COBL: variants seen among roughly 807,000 people sequenced by gnomAD.
COBL encodes protein cordon-bleu.
In COBL, 51 loss-of-function variants were observed where a neutral mutation model predicts 98.8. That is an observed-to-expected ratio of 0.52 (90% CI 0.41 to 0.65). The LOEUF is 0.65. COBL is among the 30% of genes least tolerant of loss of function. The pLI is 0.00. For synonymous variants in COBL, 634 were observed against 651.7 expected (o/e 0.97, Z 0.41); for missense variants, 1,617 against 1,617.5 (o/e 1.00, Z 0.01).
intron 2 of COBL, among the ~76,000 whole-genome samples, chr7:51,204,174 C>A (rs914467155): frequency 3.3e-5 from 5 of 152,148 alleles, no homozygotes; most frequent in African/African-American, 1.2e-4. Flanking sequence ...AACTCAATAT[C>A]CATGCATGCT....
chr7:51,309,008 GAAA>G (rs1268710579), intron 1 of COBL, among the ~76,000 whole-genome samples: 1 of 152,132 alleles, frequency 6.6e-6, no homozygotes, highest in Non-Finnish European at 1.5e-5. Context: ...ATGTTTTTCA[GAAA>G]GGCCAGAAAC....
intron 2 of COBL, among the ~76,000 whole-genome samples, chr7:51,210,594 T>C (rs576418480): frequency 2.0e-5 from 3 of 152,266 alleles, no homozygotes; most frequent in East Asian, 3.9e-4. Flanking sequence ...CTTGGTGGCA[T>C]TAAAGAACCT....
In COBL at chr7:51,087,778, CTT is replaced by C. The variant is rs34922133; in HGVS notation, c.958-2476_958-2475del. ...TATGAGCCACTGTGCCCGGCCCCGC[CTT>C]TTTTTTTTTTTTTTTTTTAATTCTC... On this transcript the variant is annotated intron_variant, in intron 6 of 12. Transcript: ENST00000265136. Among the ~76,000 whole-genome samples, 400 of 117,260 alleles carry C rather than the reference CTT, an allele frequency of 3.4e-3. 3 individuals carry two copies. The highest frequency in any genetic ancestry group is 0.012 in the African/African-American group (369 of 29,784). 76.9% of individuals were successfully genotyped at this position (117,260 alleles called of 152,430 possible).
chr7:51,084,699 A>G (rs1212879250), intron 7 of COBL, among the ~76,000 whole-genome samples: 2 of 152,106 alleles, frequency 1.3e-5, no homozygotes, highest in Non-Finnish European at 2.9e-5. Flanking sequence ...GTACCAGGTA[A>G]TATAAGTGGA....
intron 1 of COBL, among the ~76,000 whole-genome samples, chr7:51,229,342 G>A (rs1794510789): frequency 6.6e-6 from 1 of 152,260 alleles, no homozygotes; most frequent in South Asian, 2.1e-4. Flanking sequence ...GACAGTGAGT[G>A]AATTGTCTTG....
chr7:51,187,333 C>T (rs200228523), intron 4 of COBL, among the ~76,000 whole-genome samples: 9,501 of 110,112 alleles, frequency 0.086, 384 homozygotes, highest in African/African-American at 0.22. Context: ...TATATATATA[C>T]ACACACACAC....
intron 1 of COBL, among the ~76,000 whole-genome samples, chr7:51,231,248 C>A (rs1167345936): frequency 6.6e-6 from 1 of 152,192 alleles, no homozygotes; most frequent in Non-Finnish European, 1.5e-5. Flanking sequence ...TCTGTTCTTA[C>A]CTATTTGCTC....
intron 1 of COBL, among the ~76,000 whole-genome samples, chr7:51,243,319 G>A (rs549884522): frequency 2.0e-5 from 3 of 152,312 alleles, no homozygotes; most frequent in South Asian, 2.1e-4. Context: ...CCTTATGTGC[G>A]AGTCACCTCA....
chr7:51,230,142 G>A (rs1014020378), intron 1 of COBL, among the ~76,000 whole-genome samples: 5 of 152,104 alleles, frequency 3.3e-5, no homozygotes, highest in African/African-American at 1.2e-4. Context: ...GCCCCCAGCT[G>A]CCCCCATCAG....
intron 8 of COBL, among the ~76,000 whole-genome samples, chr7:51,042,813 T>C (rs1409813360): frequency 6.6e-6 from 1 of 152,230 alleles, no homozygotes. Context: ...ATCTGACGCC[T>C]ACATGCTGGC....
chr7:51,017,424 G>T lies in COBL; in HGVS notation c.*127C>A. 2.6e-6 allele frequency: 2 copies of T among 775,990 alleles called. No individual in the cohort carries two copies. Among genetic ancestry groups the T allele is most frequent in the Non-Finnish European group, 2.1e-6 (1 of 484,556 alleles). 48.1% of individuals were successfully genotyped at this position (775,990 alleles called of 1,614,324 possible). ...TACAGGAACACACCGAAAATCAACTGTGCGCATTTGGCCTGTAGACAAGAA... is the reference window on the plus strand; with the variant it reads ...TACAGGAACACACCGAAAATCAACTTTGCGCATTTGGCCTGTAGACAAGAA... On this transcript the variant is annotated 3_prime_UTR_variant, in exon 13 of 13. Coordinates refer to ENST00000265136, the MANE Select transcript of COBL (RefSeq NM_015198.5).
chr7:51,276,549 G>A (rs563094089), intron 1 of COBL, among the ~76,000 whole-genome samples: 6 of 152,084 alleles, frequency 3.9e-5, no homozygotes, highest in Non-Finnish European at 5.9e-5. Flanking sequence ...GTCATTTATC[G>A]TTCAAACCTT....
At chr7:51,307,925 C>T (rs554410889) in intron 1 of COBL, among the ~76,000 whole-genome samples, 18 of 152,320 alleles carry the variant, frequency 1.2e-4, no homozygotes, top group Admixed American at 2.6e-4. Context: ...ACTCTTCCTA[C>T]GTGTGATGTT....
intron 2 of COBL, among the ~76,000 whole-genome samples, chr7:51,218,398 C>T (rs1011107983): frequency 6.6e-6 from 1 of 152,172 alleles, no homozygotes; most frequent in African/African-American, 2.4e-5. Flanking sequence ...AATAAAAACA[C>T]CCAGAGTGAT....
chr7:51,235,889 A>G (rs1404879336), intron 1 of COBL, among the ~76,000 whole-genome samples: 6 of 152,040 alleles, frequency 3.9e-5, no homozygotes, highest in Admixed American at 3.9e-4. Flanking sequence ...CTGGGCCGAG[A>G]GGGCCCCCAC....
At chr7:51,217,329 CT>C (rs1793150240) in intron 2 of COBL, among the ~76,000 whole-genome samples, 1 of 141,366 alleles carries the variant, frequency 7.1e-6, no homozygotes, top group Non-Finnish European at 1.5e-5. Flanking sequence ...ATGCCATTTT[CT>C]TTTCTTTTTC....
intron 6 of COBL, among the ~76,000 whole-genome samples, chr7:51,108,954 A>C (rs1489118651): frequency 2.8e-5 from 1 of 35,654 alleles, no homozygotes; most frequent in Non-Finnish European, 7.5e-5. Context: ...ACACACACAC[A>C]CACCCCCTGC....
chr7:51,277,053 T>A (rs1799374138), intron 1 of COBL, among the ~76,000 whole-genome samples: 1 of 152,090 alleles, frequency 6.6e-6, no homozygotes, highest in Admixed American at 6.6e-5. Flanking sequence ...TGAGGCCCCA[T>A]CATCAACCTC....
At chr7:51,239,123 C>T (rs572970611) in intron 1 of COBL, among the ~76,000 whole-genome samples, 1 of 152,276 alleles carries the variant, frequency 6.6e-6, no homozygotes, top group East Asian at 1.9e-4. Context: ...CTGTCTGGGG[C>T]TAGAAATACT....
Sources: gnomAD v4.1 joint callset for allele counts (sites outside exome capture counted in the v4.1 genomes callset) on GRCh38, gnomAD v4.1.1 for gene constraint, MANE v1.5 for transcripts, NCBI Gene and HGNC (gene_info 2026-07-23, HGNC 2026-07-21) for gene names.